PREX1: variants seen among roughly 807,000 people sequenced by gnomAD.
PREX1 encodes phosphatidylinositol-3,4,5-trisphosphate dependent Rac exchange factor 1.
A neutral mutation model predicts 198.3 loss-of-function variants in PREX1; 41 were observed. That is an observed-to-expected ratio of 0.21 (90% confidence interval 0.16 to 0.27). The LOEUF (loss-of-function observed/expected upper bound fraction) is 0.27, where lower values mean the gene tolerates loss of function less well. PREX1 is among the 10% of genes least tolerant of loss of function. The pLI is 1.00. For synonymous variants in PREX1, 843 were observed against 887.2 expected (o/e 0.95, Z 0.89); for missense variants, 1,620 against 2,200.7 (o/e 0.74, Z 5.28).
chr20:48,666,121 G>A lies in PREX1; in HGVS notation c.1738+162C>T, dbSNP rs573495098. On this transcript the variant is annotated intron_variant, in intron 15 of 39. Transcript: ENST00000371941. The surrounding 1 kb of genome is among the most constrained non-coding windows in gnomAD (Gnocchi z 4.3). ...GGACACCAGAAGCCATTTCTCGATCGGTTCAGAACGGGAAGGGGAGGGAGG... is the reference window on the plus strand; with the variant it reads ...GGACACCAGAAGCCATTTCTCGATCAGTTCAGAACGGGAAGGGGAGGGAGG... Among the ~76,000 whole-genome samples the A allele has an allele frequency of 7.4e-4, 113 of 152,304 alleles. No homozygotes were observed. Among genetic ancestry groups the A allele is most frequent in the Non-Finnish European group, 1.2e-3 (81 of 68,024 alleles).
In PREX1 at chr20:48,631,439, G is replaced by A. The variant is rs116277496; in HGVS notation, c.4527-645C>T. Among the ~76,000 whole-genome samples the A allele has an allele frequency of 2.3e-3, 353 of 152,282 alleles. 4 individuals are homozygous for A. The highest frequency in any genetic ancestry group is 8.0e-3 in the African/African-American group (334 of 41,556). On this transcript the variant is annotated intron_variant, in intron 35 of 39. Transcript: ENST00000371941. ...ACTGCACATTCCCAAACAAGCACCC[G>A]GAACAGTGCCCGGCCCGCAGAAGGC... is the stretch of plus-strand genomic sequence containing the variant.
the PREX1 span, among the ~76,000 whole-genome samples, chr20:48,834,760 A>C: frequency 6.6e-6 from 1 of 151,974 alleles, no homozygotes; most frequent in Non-Finnish European, 1.5e-5. Context: ...GGATCCCACT[A>C]TGTTGCCCAG....
chr20:48,755,783 C>T (rs150428206), intron 1 of PREX1, among the ~76,000 whole-genome samples: 1 of 152,346 alleles, frequency 6.6e-6, no homozygotes, highest in East Asian at 1.9e-4. Flanking sequence ...AGCCACTGAA[C>T]CTAATCCTAA....
chr20:48,627,751 AG>A, intron 38 of PREX1, 109 bp downstream of exon 38: 2 of 1,390,472 alleles, frequency 1.4e-6, no homozygotes, highest in East Asian at 4.8e-5. Flanking sequence ...GATTCAGAGA[AG>A]GCTCAGGTCT....
intron 7 of PREX1, among the ~76,000 whole-genome samples, chr20:48,699,604 G>A (rs887925918): frequency 4.0e-5 from 6 of 151,808 alleles, no homozygotes; most frequent in Non-Finnish European, 5.9e-5. Context: ...CAACCACTTC[G>A]GCAACTATCA....
chr20:48,870,552 C>T, the PREX1 span, among the ~76,000 whole-genome samples: 1 of 152,196 alleles, frequency 6.6e-6, no homozygotes, highest in Non-Finnish European at 1.5e-5. Context: ...TGAAAAAGTT[C>T]CAATCTTACT....
rs770647346 is a variant in PREX1 at position 48,761,543 on chromosome 20, C to A, written c.220-13663G>T. Among the ~76,000 whole-genome samples, 11 of 152,174 alleles carry A rather than the reference C, an allele frequency of 7.2e-5. No homozygotes were observed. In the East Asian group the frequency reaches 9.7e-4, roughly 13 times the overall value. ...CACCCCACCCCGCCCCGTTCCCCAC[C>A]ACATCGGGAGAGGAAGTTGATGCAA... On this transcript the variant is annotated intron_variant, in intron 1 of 39. Coordinates refer to ENST00000371941, the MANE Select transcript of PREX1 (RefSeq NM_020820.4).
chr20:48,648,773 C>G (rs538829749), intron 25 of PREX1, among the ~76,000 whole-genome samples: 2 of 152,136 alleles, frequency 1.3e-5, no homozygotes, highest in Non-Finnish European at 2.9e-5. Flanking sequence ...GGATGCCTCC[C>G]CAAGGTGCCA....
At chr20:48,661,556 TACACAC>T (rs374276217) in intron 15 of PREX1, among the ~76,000 whole-genome samples, 1 of 127,886 alleles carries the variant, frequency 7.8e-6, no homozygotes, top group Non-Finnish European at 1.6e-5. Flanking sequence ...TATATATATA[TACACAC>T]ACACACACAC....
At chr20:48,862,780 T>TAAAAAAAAAA in the PREX1 span, among the ~76,000 whole-genome samples, 51 of 99,172 alleles carry the variant, frequency 5.1e-4, 2 homozygotes, top group African/African-American at 1.8e-3. Flanking sequence ...TAAAAAAGCC[T>TAAAAAAAAAA]AAAAAAAAAA....
At chr20:48,722,758 C>A (rs1424370731) in intron 5 of PREX1, among the ~76,000 whole-genome samples, 1 of 152,188 alleles carries the variant, frequency 6.6e-6, no homozygotes, top group African/African-American at 2.4e-5. Flanking sequence ...CAGGGTATGT[C>A]CCCTGCAGTC....
intron 33 of PREX1, 65 bp downstream of exon 33, chr20:48,634,611 A>T: frequency 6.5e-7 from 1 of 1,527,520 alleles, no homozygotes; most frequent in East Asian, 2.3e-5. Context: ...GGGTGACCCC[A>T]GAGAGCTGTC....
At chr20:48,809,524 TG>T (rs1308524554) in intron 1 of PREX1, among the ~76,000 whole-genome samples, 1 of 152,208 alleles carries the variant, frequency 6.6e-6, no homozygotes, top group Non-Finnish European at 1.5e-5. Flanking sequence ...TGGTTTGAGA[TG>T]GGTTTTCTGT....
the PREX1 span, among the ~76,000 whole-genome samples, chr20:48,879,128 G>C: frequency 3.3e-5 from 5 of 152,144 alleles, no homozygotes; most frequent in African/African-American, 1.2e-4. Context: ...ATTGTGACTT[G>C]GGTTGTAGTC....
chr20:48,687,212 A>G (rs750781170), intron 10 of PREX1, among the ~76,000 whole-genome samples: 84 of 152,274 alleles, frequency 5.5e-4, no homozygotes, highest in Admixed American at 1.2e-3. Context: ...TTTCTCCCCA[A>G]GTCAAGATTT....
the PREX1 span, among the ~76,000 whole-genome samples, chr20:48,857,517 A>C: frequency 6.6e-6 from 1 of 152,162 alleles, no homozygotes; most frequent in Non-Finnish European, 1.5e-5. Flanking sequence ...ACTGCACTCC[A>C]GCCTGGGAGA....
At chr20:48,767,475 C>T (rs1331982304) in intron 1 of PREX1, among the ~76,000 whole-genome samples, 1 of 152,112 alleles carries the variant, frequency 6.6e-6, no homozygotes, top group Non-Finnish European at 1.5e-5. Flanking sequence ...CCCCACCTGT[C>T]AGCGGGGGAG....
intron 13 of PREX1, among the ~76,000 whole-genome samples, chr20:48,676,632 G>C (rs2089711337): frequency 6.6e-6 from 1 of 152,206 alleles, no homozygotes; most frequent in East Asian, 1.9e-4. Flanking sequence ...CAGGGGTGCT[G>C]CTGGCATCCC....
At chr20:48,792,532 T>C (rs974237122) in intron 1 of PREX1, among the ~76,000 whole-genome samples, 1 of 152,126 alleles carries the variant, frequency 6.6e-6, no homozygotes, top group Non-Finnish European at 1.5e-5. Context: ...TTCTGAGAGC[T>C]GTACTTTATG....
Sources: gnomAD v4.1 joint callset for allele counts (sites outside exome capture counted in the v4.1 genomes callset) on GRCh38, gnomAD v4.1.1 for gene constraint, Gnocchi (gnomAD v3.1) non-coding constraint, MANE v1.5 for transcripts, NCBI Gene and HGNC (gene_info 2026-07-23, HGNC 2026-07-21) for gene names.